Variants in AP2A2 observed in about 807,000 individuals in gnomAD.
The protein encoded by AP2A2 is adaptor related protein complex 2 subunit alpha 2, also known as AP-2 complex subunit alpha-2.
AP2A2 carries 32 observed loss-of-function variants against 104.2 expected under a neutral mutation model. The ratio of observed to expected loss-of-function variants is 0.31; its 90% CI spans 0.23 to 0.41. The LOEUF is 0.41. AP2A2 is among the 10% of genes least tolerant of loss of function. The pLI is 1.00. For synonymous variants in AP2A2, 539 were observed against 533.3 expected, an observed-to-expected ratio of 1.01 and a Z score of -0.15; for missense variants, 912 against 1,261.0, an observed-to-expected ratio of 0.72 and a Z score of 4.19.
chr11:986,755 A>AC, intron 8 of AP2A2, 30 bp from the exon 9 acceptor site: 3 of 1,604,162 alleles, frequency 1.9e-6, no homozygotes, highest in Non-Finnish European at 2.6e-6. Context: ...TGCTGAGGAA[A>AC]CCCCACCCAC....
At chr11:996,716 C>A (rs757312798) in intron 14 of AP2A2, among the ~76,000 whole-genome samples, 1 of 152,154 alleles carries the variant, frequency 6.6e-6, no homozygotes, top group Admixed American at 6.5e-5. Flanking sequence ...GGAGGGAGTT[C>A]CCCCTTCAGG....
intron 1 of AP2A2, 106 bp downstream of exon 1, chr11:926,194 A>T: frequency 1.6e-6 from 1 of 611,488 alleles, no homozygotes; most frequent in African/African-American, 2.4e-5. Context: ...GCAGGCTGGG[A>T]TGCGGGCGGG....
chr11:994,214 C>T lies in AP2A2; in HGVS notation c.1925C>T (p.Pro642Leu). The T allele has an allele frequency of 6.2e-7, 1 of 1,612,872 alleles. No homozygotes were observed. Among genetic ancestry groups the T allele is most frequent in the East Asian group, 2.2e-5 (1 of 44,872 alleles). ...AGGAGTGTGGACGTGAACGGGGGTC[C>T]TGAGCCTGCCCCAGCCAGTACCAGC... ...RDRSVDVNGG[P>L]EPAPASTSAV... The change falls in exon 14 of 22, where the codon CCT (proline) becomes CTT (leucine). Residue 642 changes from proline (P) to leucine (L), a missense_variant. Pro to Leu is a moderately conservative substitution (Grantham distance 98). Around this residue, in one of 7 missense-constraint regions of AP2A2, gnomAD observed 105 missense variants for 90.9 expected, o/e 1.16. Transcript: ENST00000448903.
intron 9 of AP2A2, among the ~76,000 whole-genome samples, chr11:988,005 T>G (rs1855520864): frequency 6.6e-6 from 1 of 152,278 alleles, no homozygotes; most frequent in African/African-American, 2.4e-5. Flanking sequence ...CAATCCCTAT[T>G]GTCAGAAGGG....
intron 3 of AP2A2, 143 bp downstream of exon 3, chr11:970,454 G>A: frequency 9.3e-7 from 1 of 1,075,060 alleles, no homozygotes; most frequent in African/African-American, 1.6e-5. Flanking sequence ...GGAGACGCGT[G>A]CCCAGTCCTT....
Position 994,336 on chromosome 11 carries a change from C to T in AP2A2, c.1956+91C>T, listed in dbSNP as rs1855768584. The T allele has an allele frequency of 2.7e-6, 4 of 1,503,324 alleles. No homozygotes were observed. The South Asian group carries it at 5.0e-5, about 19-fold the overall frequency. 93.1% of individuals were successfully genotyped at this position (1,503,324 alleles called of 1,614,324 possible). On this transcript the variant is annotated intron_variant, in intron 14 of 21. Transcript: ENST00000448903. ...AGAGCATTTGCCTGTCAGGGAGGAGCATGTACTGAGAACCCAGGCTCTGGC... is the reference window on the plus strand; with the variant it reads ...AGAGCATTTGCCTGTCAGGGAGGAGTATGTACTGAGAACCCAGGCTCTGGC...
intron 2 of AP2A2, 116 bp downstream of exon 2, chr11:959,621 T>G (rs1297481895): frequency 1.4e-6 from 1 of 720,082 alleles, no homozygotes; most frequent in Non-Finnish European, 2.3e-6. Flanking sequence ...TCTCAGTTTG[T>G]ACAGTTTCTA....
intron 1 of AP2A2, among the ~76,000 whole-genome samples, chr11:950,750 T>C (rs6597966): frequency 0.51 from 77,143 of 151,938 alleles, 20,195 homozygotes; most frequent in Middle Eastern, 0.66. Context: ...GGCTCGTTAT[T>C]TAGAATATAT....
chr11:934,807 G>A lies in AP2A2; in HGVS notation c.67+8719G>A, dbSNP rs114083447. The stretch of plus-strand genomic sequence containing the variant: ...TTATGTTTTGCTTTTTCTGTGGACC[G>A]CCTTTGTGTTTCATGTAATGTAGCT... On this transcript the variant is annotated intron_variant, in intron 1 of 21. Coordinates refer to ENST00000448903, the MANE Select transcript of AP2A2 (RefSeq NM_012305.4). Among the ~76,000 whole-genome samples, 1,204 of 152,066 alleles carry A rather than the reference G, an allele frequency of 7.9e-3. 24 individuals are homozygous for A. The highest frequency in any genetic ancestry group is 0.028 in the African/African-American group (1,148 of 41,474).
At chr11:991,161 G>A (rs1457526444) in intron 10 of AP2A2, among the ~76,000 whole-genome samples, 1 of 152,270 alleles carries the variant, frequency 6.6e-6, no homozygotes, top group East Asian at 1.9e-4. Flanking sequence ...CCTTTCAGCC[G>A]GGCATGGTGT....
chr11:988,257 C>T (rs532122881), intron 9 of AP2A2, among the ~76,000 whole-genome samples: 6 of 152,214 alleles, frequency 3.9e-5, no homozygotes, highest in African/African-American at 1.4e-4. Context: ...TCAGTCCTAG[C>T]GAAGCTGGCC....
intron 9 of AP2A2, among the ~76,000 whole-genome samples, chr11:988,102 G>A (rs913873461): frequency 6.6e-6 from 1 of 152,360 alleles, no homozygotes; most frequent in East Asian, 1.9e-4. Flanking sequence ...GGGCTTTCTC[G>A]TGCTGCAGAG....
At chr11:1,006,494 G>A (rs1856212007) in intron 16 of AP2A2, 34 bp from the exon 17 acceptor site, 1 of 1,429,462 alleles carries the variant, frequency 7.0e-7, no homozygotes, top group East Asian at 2.3e-5. Context: ...GTGTGAAATG[G>A]TGTGTGTGAA....
At position 986,973 on chromosome 11, in the gene AP2A2, G is replaced by T; in HGVS notation, c.1131+20G>T. ...CTGAAGGCGAGTGCCCTGTCCTTGG[G>T]TTCTGCTCACTCCCTGAGCAGGTGC... is the stretch of plus-strand genomic sequence containing the variant. On this transcript the variant is annotated intron_variant, in intron 9 of 21. Coordinates refer to ENST00000448903, the MANE Select transcript of AP2A2 (RefSeq NM_012305.4). 2 of 1,559,550 alleles carry T rather than the reference G, an allele frequency of 1.3e-6. No homozygotes were observed. Among genetic ancestry groups the T allele is most frequent in the Non-Finnish European group, 1.7e-6 (2 of 1,151,496 alleles).
chr11:1,000,709 G>A, intron 15 of AP2A2, 111 bp downstream of exon 15: 1 of 1,205,028 alleles, frequency 8.3e-7, no homozygotes, highest in South Asian at 1.6e-5. Flanking sequence ...TTACCTCCCA[G>A]ATTACTGCCT....
chr11:935,260 T>C (rs977073665), intron 1 of AP2A2, among the ~76,000 whole-genome samples: 3 of 152,148 alleles, frequency 2.0e-5, no homozygotes, highest in African/African-American at 7.2e-5. Flanking sequence ...ACTTTCACCA[T>C]GTTGACCAGA....
At chr11:931,196 G>C (rs1853281438) in intron 1 of AP2A2, among the ~76,000 whole-genome samples, 1 of 152,110 alleles carries the variant, frequency 6.6e-6, no homozygotes, top group Non-Finnish European at 1.5e-5. Flanking sequence ...CTGGTGCATT[G>C]ATTGACATTG....
chr11:992,666 C>T lies in AP2A2; in HGVS notation c.1433C>T (p.Ala478Val), dbSNP rs779059059. ...VINRDDVQGYAAKTVFEALQA... is the reference protein window; with the variant it reads ...VINRDDVQGYVAKTVFEALQA... ...AACCGGGACGACGTGCAGGGCTACG[C>T]GGCCAAGACTGTGTTCGAGGTATGG... is the stretch of plus-strand genomic sequence containing the variant. The change falls in exon 11 of 22, where the codon GCG becomes GTG. Residue 478 changes from alanine to valine, a missense_variant. This residue lies in a region of AP2A2 where 21 missense variants were observed against 62.0 expected (regional missense o/e 0.34). Coordinates refer to ENST00000448903, the MANE Select transcript of AP2A2 (RefSeq NM_012305.4). The surrounding 1 kb of genome is among the most constrained non-coding windows in gnomAD (Gnocchi z 6.4). 39 of 1,613,754 alleles carry T rather than the reference C, an allele frequency of 2.4e-5. No homozygotes were observed. Among genetic ancestry groups the T allele is most frequent in the African/African-American group, 1.1e-4 (8 of 74,912 alleles).
At chr11:983,604 C>T (rs769772332) in intron 6 of AP2A2, among the ~76,000 whole-genome samples, 121 of 152,126 alleles carry the variant, frequency 8.0e-4, no homozygotes, top group South Asian at 1.9e-3. Flanking sequence ...AGGATGGTCT[C>T]GATCTCCTGA....
Sources: gnomAD v4.1 joint callset for allele counts (sites outside exome capture counted in the v4.1 genomes callset) on GRCh38, gnomAD v4.1.1 for gene constraint, gnomAD v4.1.1 regional missense constraint, Gnocchi (gnomAD v3.1) non-coding constraint, MANE v1.5 for transcripts, NCBI Gene and HGNC (gene_info 2026-07-23, HGNC 2026-07-21) for gene names.